The following SLC4A7 variants were observed in gnomAD, a reference collection of about 807,000 sequenced individuals.
The protein encoded by SLC4A7 is solute carrier family 4 member 7.
Under a neutral mutation model 137.6 loss-of-function variants are expected in SLC4A7, and 51 were observed. The observed-to-expected ratio is 0.37, with a 90% CI of 0.30 to 0.47. The LOEUF is 0.47. Ranked by LOEUF, SLC4A7 falls within the 20% of genes least tolerant of loss-of-function variation. The probability of loss-of-function intolerance (pLI) is 1.00; values close to 1 mark genes in which losing one functional copy is unlikely to be tolerated. For synonymous variants in SLC4A7, 542 were observed against 518.6 expected, an observed-to-expected ratio of 1.05 and a Z score of -0.61; for missense variants, 1,247 against 1,525.4, an observed-to-expected ratio of 0.82 and a Z score of 3.04.
intron 1 of SLC4A7, among the ~76,000 whole-genome samples, chr3:27,478,258 C>G (rs535823148): frequency 6.6e-6 from 1 of 152,126 alleles, no homozygotes; most frequent in Admixed American, 6.5e-5. Context: ...TGGCTCACAC[C>G]TGTAATCCCA....
At chr3:27,408,626 A>C (rs1390797059) in intron 13 of SLC4A7, among the ~76,000 whole-genome samples, 1 of 152,218 alleles carries the variant, frequency 6.6e-6, no homozygotes. Flanking sequence ...AAATGCACTT[A>C]AGAATTACAA....
At chr3:27,397,985 CTAACCTAGCAACTCT>C in intron 17 of SLC4A7, 188 bp from the exon 18 acceptor site, 1 of 609,240 alleles carries the variant, frequency 1.6e-6, no homozygotes, top group South Asian at 2.3e-5. Context: ...CATTTCGCAA[CTAACCTAGCAACTCT>C]TATGGTACCA....
At chr3:27,463,442 CA>C (rs2058805439) in intron 1 of SLC4A7, among the ~76,000 whole-genome samples, 1 of 150,856 alleles carries the variant, frequency 6.6e-6, no homozygotes, top group African/African-American at 2.4e-5. Flanking sequence ...AAAAAAAATA[CA>C]AAAAATACAA....
At chr3:27,470,815 GCCTGTACT>G (rs2059213045) in intron 1 of SLC4A7, among the ~76,000 whole-genome samples, 1 of 151,994 alleles carries the variant, frequency 6.6e-6, no homozygotes, top group Non-Finnish European at 1.5e-5. Context: ...GGTGGCATGC[GCCTGTACT>G]CCCAGCTACT....
intron 8 of SLC4A7, chr3:27,422,830 G>T (rs1398350431): frequency 4.4e-6 from 2 of 455,988 alleles, no homozygotes; most frequent in East Asian, 6.9e-5. Flanking sequence ...ACAGTGCCAG[G>T]AGGCAGACTC....
intron 1 of SLC4A7, among the ~76,000 whole-genome samples, chr3:27,460,044 T>G (rs952482933): frequency 6.6e-6 from 1 of 150,884 alleles, no homozygotes; most frequent in Non-Finnish European, 1.5e-5. Flanking sequence ...TATAATTTTT[T>G]TTTTTCTTTT....
chr3:27,397,781 C>G lies in SLC4A7; in HGVS notation c.2606G>C (p.Ser869Thr). The G allele has an allele frequency of 6.3e-7, 1 of 1,599,530 alleles. No homozygotes were observed. Among genetic ancestry groups the G allele is most frequent in the East Asian group, 2.2e-5 (1 of 44,600 alleles). ...YFPTKVRSTISDFAVFLTIVI... is the reference protein window; with the variant it reads ...YFPTKVRSTITDFAVFLTIVI... ...TATTGTGAGAAATACAGCAAAATCA[C>G]TGATTGTCGATCGCACCTATGTTAA... Residue 869 changes from serine (S) to threonine (T), a missense_variant, in exon 18 of 26, where the codon AGT becomes ACT. Around this residue, in one of 6 missense-constraint regions of SLC4A7, gnomAD observed 499 missense variants for 664.2 expected, o/e 0.75. Transcript: ENST00000454389.
At chr3:27,385,838 G>A (rs1378797708) in intron 23 of SLC4A7, 54 bp downstream of exon 23, 16 of 1,249,408 alleles carry the variant, frequency 1.3e-5, no homozygotes, top group Non-Finnish European at 1.6e-5. Flanking sequence ...CTGCAATATG[G>A]TGCAAAATAT....
intron 1 of SLC4A7, among the ~76,000 whole-genome samples, chr3:27,460,774 T>C (rs1040796786): frequency 6.6e-6 from 1 of 152,228 alleles, no homozygotes; most frequent in East Asian, 1.9e-4. Context: ...GATAGATACC[T>C]TCTCTCAGGT....
At chr3:27,432,762 T>G (rs939511683) in intron 6 of SLC4A7, among the ~76,000 whole-genome samples, 20 of 152,086 alleles carry the variant, frequency 1.3e-4, no homozygotes, top group African/African-American at 4.3e-4. Flanking sequence ...GATGAGCAAA[T>G]TACAATTGGA....
chr3:27,411,586 T>A, intron 12 of SLC4A7, 56 bp downstream of exon 12: 1 of 889,858 alleles, frequency 1.1e-6, no homozygotes, highest in Non-Finnish European at 1.6e-6. Context: ...ATATAATATT[T>A]ATGTTTTCAT....
rs371007271 is a variant in SLC4A7, at chr3:27,392,240, G to C, written c.3118-432C>G. On this transcript the variant is annotated intron_variant, in intron 20 of 25. Coordinates refer to ENST00000454389, the MANE Select transcript of SLC4A7 (RefSeq NM_001321103.2). ...TGAATATTAAGCAGTAGCCTTTACT[G>C]AATATAGTAAGTAAAATCCACCTCC... Among the ~76,000 whole-genome samples the C allele has an allele frequency of 3.9e-5, 6 of 152,134 alleles. No individual in the cohort carries two copies. In the East Asian group the frequency reaches 7.7e-4, roughly 20 times the overall value.
At chr3:27,473,051 G>A (rs1309602558) in intron 1 of SLC4A7, among the ~76,000 whole-genome samples, 1 of 150,742 alleles carries the variant, frequency 6.6e-6, no homozygotes, top group African/African-American at 2.4e-5. Context: ...CTGTACTCCA[G>A]CCTGGGCAAC....
At chr3:27,463,160 G>A (rs1305927859) in intron 1 of SLC4A7, among the ~76,000 whole-genome samples, 1 of 152,256 alleles carries the variant, frequency 6.6e-6, no homozygotes, top group African/African-American at 2.4e-5. Context: ...GGGCGCGGTG[G>A]CTCACGCCTG....
chr3:27,419,425 A>G (rs1056464619), intron 10 of SLC4A7, among the ~76,000 whole-genome samples: 7 of 151,578 alleles, frequency 4.6e-5, no homozygotes, highest in South Asian at 2.1e-4. Context: ...AAAATTAGCC[A>G]GGTGTGGTGG....
At chr3:27,386,617 T>C (rs546195920) in intron 22 of SLC4A7, among the ~76,000 whole-genome samples, 1 of 152,298 alleles carries the variant, frequency 6.6e-6, no homozygotes, top group East Asian at 1.9e-4. Flanking sequence ...GTAGTTTGAA[T>C]AGAAATTTTT....
In SLC4A7 at chr3:27,376,843, G is replaced by C; in HGVS notation, c.3701C>G (p.Pro1234Arg). The change falls in exon 26 of 26, where the codon CCT (proline) becomes CGT (arginine). Residue 1234 changes from proline (P) to arginine (R), a missense_variant and splice_region_variant. Around this residue, in one of 6 missense-constraint regions of SLC4A7, gnomAD observed 290 missense variants for 323.8 expected, o/e 0.90. Coordinates refer to ENST00000454389, the MANE Select transcript of SLC4A7 (RefSeq NM_001321103.2). ...NAKVTRSNMS[P>R]DKPVSVKISF... ...TATTTTCACACTCACAGGTTTATCAGGACTATTTAAAACAAAGAATTAAAA... is the reference window on the plus strand; with the variant it reads ...TATTTTCACACTCACAGGTTTATCACGACTATTTAAAACAAAGAATTAAAA... 2 of 1,514,352 alleles carry C rather than the reference G, an allele frequency of 1.3e-6. No homozygotes were observed. The highest frequency in any genetic ancestry group is 2.5e-5 in the South Asian group (2 of 80,892). The allele number at this position is 1,514,352 out of a possible 1,614,324, so 93.8% of individuals were successfully genotyped here. A position where few individuals can be genotyped will look rare whatever the true frequency, so the allele number is the denominator to read the frequency against.
intron 1 of SLC4A7, among the ~76,000 whole-genome samples, chr3:27,457,213 C>A (rs1000663996): frequency 2.0e-5 from 3 of 151,968 alleles, no homozygotes; most frequent in African/African-American, 7.2e-5. Flanking sequence ...AGGATTAAAA[C>A]AGAAAACTTC....
chr3:27,467,723 C>T (rs533482528), intron 1 of SLC4A7, among the ~76,000 whole-genome samples: 1 of 152,236 alleles, frequency 6.6e-6, no homozygotes, highest in South Asian at 2.1e-4. Context: ...TTTAACACCA[C>T]TAAAATTTAG....
Sources: allele counts gnomAD v4.1 joint callset (sites outside exome capture counted in the v4.1 genomes callset), GRCh38; gene constraint gnomAD v4.1.1; regional missense constraint gnomAD v4.1.1; transcripts MANE v1.5; gene names NCBI Gene and HGNC (gene_info 2026-07-23, HGNC 2026-07-21).